Variants in MID1 observed in about 807,000 individuals in gnomAD.
MID1 encodes E3 ubiquitin-protein ligase Midline-1.
Under a neutral mutation model 40.4 loss-of-function variants are expected in MID1, and 7 were observed. The ratio of observed to expected loss-of-function variants is 0.17; its 90% confidence interval spans 0.10 to 0.33. The LOEUF (loss-of-function observed/expected upper bound fraction) is 0.33, where lower values mean the gene tolerates loss of function less well. Among genes scored for constraint, MID1 ranks in the 10% least tolerant of loss-of-function variants. MID1 has a pLI of 1.00. For synonymous variants in MID1, 229 were observed against 221.2 expected (o/e 1.04, Z -0.31); for missense variants, 367 against 558.5 (o/e 0.66, Z 3.46).
intron 1 of MID1, among the ~76,000 whole-genome samples, chrX:10,617,481 G>C (rs10521612): frequency 8.9e-6 from 1 of 112,185 alleles, no homozygotes; most frequent in Non-Finnish European, 1.9e-5. Context: ...GAATTTAGCA[G>C]CTACGTGACT....
chrX:10,474,574 T>TTA (rs761292922), intron 6 of MID1, 49 bp downstream of exon 6: 72 of 1,173,858 alleles, frequency 6.1e-5, no homozygotes, highest in Non-Finnish European at 7.9e-5. Flanking sequence ...GGCAAAGTGT[T>TTA]TATATCACTA....
At chrX:10,579,223 G>A (rs1934947389) in intron 1 of MID1, among the ~76,000 whole-genome samples, 2 of 111,934 alleles carry the variant, frequency 1.8e-5, no homozygotes, top group East Asian at 2.8e-4. Flanking sequence ...GCAAAATGAC[G>A]CAAGTGATCT....
At chrX:10,598,567 T>C (rs1410663235) in intron 1 of MID1, among the ~76,000 whole-genome samples, 1 of 112,192 alleles carries the variant, frequency 8.9e-6, no homozygotes, top group African/African-American at 3.2e-5. Flanking sequence ...GTTTCCTGAC[T>C]GATGAAAGAG....
At chrX:10,711,729 A>G (rs112149206) in intron 1 of MID1, among the ~76,000 whole-genome samples, 160 of 112,924 alleles carry the variant, frequency 1.4e-3, no homozygotes, top group African/African-American at 5.0e-3. Flanking sequence ...AGCTGTTGAA[A>G]GTGAAGCTCA....
At chrX:10,832,255 A>G (rs1057336116) in intron 1 of MID1, among the ~76,000 whole-genome samples, 3 of 112,474 alleles carry the variant, frequency 2.7e-5, no homozygotes, top group Non-Finnish European at 5.6e-5. Context: ...AGAGTCAAAG[A>G]TCCTAGAGAA....
chrX:10,487,658 C>T (rs914031661), intron 4 of MID1, among the ~76,000 whole-genome samples: 1 of 111,356 alleles, frequency 9.0e-6, no homozygotes, highest in African/African-American at 3.3e-5. Context: ...TCCTGTCATC[C>T]CATCCCTAAA....
intron 2 of MID1, among the ~76,000 whole-genome samples, chrX:10,537,696 A>G (rs1933312345): frequency 8.9e-6 from 1 of 112,385 alleles, no homozygotes; most frequent in Non-Finnish European, 1.9e-5. Context: ...TTCCCACCAG[A>G]ACATGTTCTA....
intron 1 of MID1, among the ~76,000 whole-genome samples, chrX:10,630,516 G>C (rs186902302): frequency 1.3e-3 from 143 of 108,631 alleles, no homozygotes; most frequent in Non-Finnish European, 2.2e-3. Flanking sequence ...TCAGGAATGT[G>C]TCTGAGGGTG....
At chrX:10,704,765 C>CACACACACACACACAG (rs781699598) in intron 1 of MID1, among the ~76,000 whole-genome samples, 52 of 91,590 alleles carry the variant, frequency 5.7e-4, no homozygotes, top group African/African-American at 1.6e-3. Context: ...CACACACACA[C>CACACACACACACACAG]AGAGAGAGAG....
intron 2 of MID1, among the ~76,000 whole-genome samples, chrX:10,556,110 A>C (rs186328051): frequency 1.4e-3 from 155 of 110,800 alleles, no homozygotes; most frequent in African/African-American, 4.9e-3. Flanking sequence ...AAAAAAAAAG[A>C]AAGCTAGCCC....
intron 1 of MID1, among the ~76,000 whole-genome samples, chrX:10,771,558 C>G (rs2043769495): frequency 9.3e-6 from 1 of 107,704 alleles, no homozygotes; most frequent in Non-Finnish European, 1.9e-5. Flanking sequence ...GTGGTGCAAT[C>G]TCAGCTTACT....
intron 1 of MID1, among the ~76,000 whole-genome samples, chrX:10,692,648 C>T (rs192144666): frequency 6.3e-4 from 70 of 111,534 alleles, no homozygotes; most frequent in African/African-American, 1.8e-3. Flanking sequence ...AGGTACTTTA[C>T]ATTCTTTTTT....
chrX:10,589,776 G>A (rs1292208869), intron 1 of MID1: 1 of 110,830 alleles, frequency 9.0e-6, no homozygotes, highest in Non-Finnish European at 1.9e-5. Flanking sequence ...ATGTTCCACA[G>A]GGCAGGCTAA....
chrX:10,523,209 A>G, intron 2 of MID1, 22 bp from the exon 3 acceptor site: 1 of 1,005,577 alleles, frequency 9.9e-7, no homozygotes, highest in South Asian at 2.0e-5. Flanking sequence ...AAAAAAAAAA[A>G]GAGGAAAAAT....
At chrX:10,694,258 T>G (rs1475742078) in intron 1 of MID1, among the ~76,000 whole-genome samples, 1 of 112,192 alleles carries the variant, frequency 8.9e-6, no homozygotes, top group Non-Finnish European at 1.9e-5. Flanking sequence ...CTTTCTTCTC[T>G]CCTGTTGGTT....
intron 3 of MID1, among the ~76,000 whole-genome samples, chrX:10,514,260 A>G (rs1355195262): frequency 8.9e-6 from 1 of 112,268 alleles, no homozygotes; most frequent in Non-Finnish European, 1.9e-5. Flanking sequence ...GGTTTGGATA[A>G]TGTTTTATAT....
chrX:10,694,196 C>T (rs111531857), intron 1 of MID1, among the ~76,000 whole-genome samples: 22 of 112,099 alleles, frequency 2.0e-4, no homozygotes, highest in African/African-American at 4.5e-4. Context: ...TTCATGGCCA[C>T]GAAGAAGATG....
intron 1 of MID1, among the ~76,000 whole-genome samples, chrX:10,693,293 C>G (rs2043142494): frequency 9.5e-6 from 1 of 105,023 alleles, no homozygotes; most frequent in Non-Finnish European, 1.9e-5. Context: ...CTCTTGGGCT[C>G]AAGTGATCCT....
chrX:10,728,641 T>C lies in MID1; in HGVS notation c.-187+104913A>G, dbSNP rs1011803035. Among the ~76,000 whole-genome samples the C allele has an allele frequency of 1.2e-4, 14 of 112,253 alleles. 1 individual carries two copies. The highest frequency in any genetic ancestry group is 1.2e-3 in the Admixed American group (13 of 10,588). On this transcript the variant is annotated intron_variant, in intron 1 of 10. Transcript: ENST00000380785. ...TGGAAATTATCAGGAATGAGATCCG[T>C]TGGAAAGGCTATTTGGAGATGTTTG...
Sources: gnomAD v4.1 joint callset for allele counts (sites outside exome capture counted in the v4.1 genomes callset) on GRCh38, gnomAD v4.1.1 for gene constraint, MANE v1.5 for transcripts, NCBI Gene and HGNC (gene_info 2026-07-23, HGNC 2026-07-21) for gene names.